RABGAP1L: variants seen among roughly 807,000 people sequenced by gnomAD.
RABGAP1L encodes the protein rab GTPase-activating protein 1-like.
In RABGAP1L, 63 loss-of-function variants were observed where a neutral mutation model predicts 137.7. That is an observed-to-expected ratio of 0.46 (90% CI 0.37 to 0.56). RABGAP1L has a LOEUF of 0.56. RABGAP1L is among the 20% of genes least tolerant of loss of function. RABGAP1L has a pLI of 0.00. For missense variants in RABGAP1L, 1,095 were observed against 1,244.0 expected (o/e 0.88, Z 1.80); for synonymous variants, 431 against 433.7 (o/e 0.99, Z 0.08).
intron 19 of RABGAP1L, among the ~76,000 whole-genome samples, chr1:174,952,339 C>CAA (rs59406597): frequency 0.19 from 5,990 of 31,580 alleles, 780 homozygotes; most frequent in Non-Finnish European, 0.22. Flanking sequence ...CTGGCTCTAC[C>CAA]AAAAAAAAAA....
intron 18 of RABGAP1L, among the ~76,000 whole-genome samples, chr1:174,776,095 C>T (rs1040056735): frequency 1.3e-5 from 2 of 152,092 alleles, no homozygotes; most frequent in Admixed American, 6.5e-5. Context: ...AGAGGCCAGG[C>T]GTGGTGGCTC....
intron 19 of RABGAP1L, among the ~76,000 whole-genome samples, chr1:174,871,113 CT>C (rs1005023172): frequency 2.6e-5 from 4 of 151,862 alleles, no homozygotes; most frequent in African/African-American, 7.2e-5. Flanking sequence ...TGTAATCCCC[CT>C]TATGCACATT....
chr1:174,634,703 A>G (rs1328428699), intron 13 of RABGAP1L, among the ~76,000 whole-genome samples: 1 of 132,682 alleles, frequency 7.5e-6, no homozygotes, highest in Non-Finnish European at 1.5e-5. Context: ...CTATGCAGCC[A>G]TAAAAAATGA....
chr1:174,344,462 CCT>C (rs1214327307), intron 11 of RABGAP1L, among the ~76,000 whole-genome samples: 1 of 152,008 alleles, frequency 6.6e-6, no homozygotes, highest in Non-Finnish European at 1.5e-5. Context: ...GCCATTTTAC[CCT>C]CTTTTGCTGC....
At chr1:174,941,510 G>T (rs1177797093) in intron 19 of RABGAP1L, among the ~76,000 whole-genome samples, 1 of 152,186 alleles carries the variant, frequency 6.6e-6, no homozygotes, top group African/African-American at 2.4e-5. Flanking sequence ...TGGCAAGCCA[G>T]GTAGCCTAAT....
intron 13 of RABGAP1L, among the ~76,000 whole-genome samples, chr1:174,557,731 TCTAAATCCTTATA>T (rs1170832103): frequency 6.6e-6 from 1 of 152,210 alleles, no homozygotes; most frequent in Middle Eastern, 3.2e-3. Context: ...AAACTGCCTG[TCTAAATCCTTATA>T]GGAATACAGA....
At chr1:174,450,325 T>A (rs927807546) in intron 13 of RABGAP1L, among the ~76,000 whole-genome samples, 1 of 152,212 alleles carries the variant, frequency 6.6e-6, no homozygotes. Context: ...TTGTGTGATA[T>A]GCGTTTGCAC....
At chr1:174,793,456 A>G (rs1479392045) in intron 18 of RABGAP1L, among the ~76,000 whole-genome samples, 1 of 152,186 alleles carries the variant, frequency 6.6e-6, no homozygotes, top group Non-Finnish European at 1.5e-5. Context: ...TGTGACCTCA[A>G]CCACCTACCA....
At chr1:174,512,158 G>C (rs867336286) in intron 13 of RABGAP1L, among the ~76,000 whole-genome samples, 49 of 152,110 alleles carry the variant, frequency 3.2e-4, no homozygotes, top group African/African-American at 1.2e-3. Flanking sequence ...TAACTAGTTA[G>C]GAAAAACAAA....
intron 15 of RABGAP1L, among the ~76,000 whole-genome samples, chr1:174,690,000 A>T (rs1272482891): frequency 6.6e-6 from 1 of 152,194 alleles, no homozygotes; most frequent in African/African-American, 2.4e-5. Context: ...AGAAAGAAGC[A>T]TTCATTTTCC....
intron 18 of RABGAP1L, among the ~76,000 whole-genome samples, chr1:174,811,231 T>A (rs1689841490): frequency 6.6e-6 from 1 of 152,236 alleles, no homozygotes; most frequent in Admixed American, 6.5e-5. Flanking sequence ...AGAAGTAAAT[T>A]TGGTAAACAA....
chr1:174,939,446 C>T (rs960459487), intron 19 of RABGAP1L, among the ~76,000 whole-genome samples: 1 of 151,274 alleles, frequency 6.6e-6, no homozygotes, highest in African/African-American at 2.4e-5. Flanking sequence ...TTACCATCTA[C>T]TTGGGAGGCT....
intron 14 of RABGAP1L, among the ~76,000 whole-genome samples, chr1:174,650,092 C>T (rs1187219413): frequency 6.6e-6 from 1 of 152,096 alleles, no homozygotes; most frequent in Non-Finnish European, 1.5e-5. Flanking sequence ...TTGAGATAAT[C>T]ATGTGGTTTT....
At chr1:174,618,349 G>A (rs900096796) in intron 13 of RABGAP1L, among the ~76,000 whole-genome samples, 5 of 152,104 alleles carry the variant, frequency 3.3e-5, no homozygotes, top group Non-Finnish European at 5.9e-5. Flanking sequence ...GCCTCCTCAA[G>A]TGGGTCTCTG....
At chr1:174,556,235 A>G (rs1666876322) in intron 13 of RABGAP1L, among the ~76,000 whole-genome samples, 1 of 151,930 alleles carries the variant, frequency 6.6e-6, no homozygotes, top group Admixed American at 6.6e-5. Flanking sequence ...TGACCTCATG[A>G]TCTGCCCACT....
intron 13 of RABGAP1L, among the ~76,000 whole-genome samples, chr1:174,596,325 C>G (rs911186167): frequency 2.6e-5 from 4 of 151,974 alleles, no homozygotes; most frequent in Admixed American, 1.3e-4. Flanking sequence ...GCGTGGCTCA[C>G]GCTGGGAGCT....
At chr1:174,626,835 G>A (rs1016812365) in intron 13 of RABGAP1L, among the ~76,000 whole-genome samples, 4 of 152,084 alleles carry the variant, frequency 2.6e-5, no homozygotes, top group East Asian at 1.9e-4. Flanking sequence ...AAATCAGACC[G>A]ACCACTGCAA....
intron 17 of RABGAP1L, among the ~76,000 whole-genome samples, chr1:174,738,858 A>G (rs1265827132): frequency 1.3e-4 from 20 of 152,230 alleles, no homozygotes; most frequent in Admixed American, 1.2e-3. Flanking sequence ...CCATAATTGT[A>G]AAATTTTTGC....
At chr1:174,414,459 A>G (rs904566586) in intron 13 of RABGAP1L, among the ~76,000 whole-genome samples, 14 of 152,246 alleles carry the variant, frequency 9.2e-5, no homozygotes, top group African/African-American at 2.9e-4. Flanking sequence ...CTGTCCTACT[A>G]TCTAGGATAC....
Sources: gnomAD v4.1 joint callset for allele counts (sites outside exome capture counted in the v4.1 genomes callset) on GRCh38, gnomAD v4.1.1 for gene constraint, MANE v1.5 for transcripts, NCBI Gene and HGNC (gene_info 2026-07-23, HGNC 2026-07-21) for gene names.